The following PRSS23 variants were observed in gnomAD, a reference collection of about 807,000 sequenced individuals.
The protein encoded by PRSS23 is serine protease 23.
A neutral mutation model predicts 34.7 loss-of-function variants in PRSS23; 25 were observed. The ratio of observed to expected loss-of-function variants is 0.72; its 90% CI spans 0.53 to 1.01. The LOEUF is 1.01. PRSS23 is among the 50% of genes least tolerant of loss of function. The pLI is 0.00. For missense variants in PRSS23, 445 were observed against 475.6 expected (o/e 0.94, Z 0.60); for synonymous variants, 176 against 186.6 (o/e 0.94, Z 0.46).
intron 2 of PRSS23, among the ~76,000 whole-genome samples, chr11:86,835,730 G>C (rs1948399946): frequency 6.6e-6 from 1 of 152,168 alleles, no homozygotes; most frequent in South Asian, 2.1e-4. Flanking sequence ...GATAATTTTA[G>C]CCCTAAGTAC....
At chr11:86,806,283 G>C (rs1948100436) in intron 1 of PRSS23, among the ~76,000 whole-genome samples, 1 of 152,128 alleles carries the variant, frequency 6.6e-6, no homozygotes, top group Non-Finnish European at 1.5e-5. Context: ...ACAGACTCTT[G>C]TTTCCCTTCC....
rs976405593 is a variant in PRSS23, at chr11:86,807,492, G to T, written c.-13-139G>T. Reference sequence around the variant, plus strand: ...GTTGAAAGTGAGACCGTTATCTAAGGATTCCTCTCCACACCCTGATTCCTG... The same window carrying T: ...GTTGAAAGTGAGACCGTTATCTAAGTATTCCTCTCCACACCCTGATTCCTG... On this transcript the variant is annotated intron_variant, in intron 1 of 1. Coordinates refer to ENST00000280258, the MANE Select transcript of PRSS23 (RefSeq NM_007173.6). The T allele has an allele frequency of 4.8e-6, 4 of 832,132 alleles. No individual in the cohort carries two copies. The African/African-American group carries it at 6.8e-5, about 14-fold the overall frequency. 51.5% of individuals were successfully genotyped at this position (832,132 alleles called of 1,614,324 possible).
At chr11:86,934,312 T>G (rs1949146186) in intron 2 of PRSS23, 1 of 152,238 alleles carries the variant, frequency 6.6e-6, no homozygotes, top group Admixed American at 6.5e-5. Context: ...AGTTGGCTCC[T>G]GGGATCATCT....
intron 2 of PRSS23, among the ~76,000 whole-genome samples, chr11:86,897,799 C>T (rs1188723484): frequency 6.6e-6 from 1 of 152,196 alleles, no homozygotes; most frequent in Non-Finnish European, 1.5e-5. Context: ...TCATCATCTT[C>T]AAAGAAGAAA....
chr11:86,811,251 A>C (rs1948175654), downstream of PRSS23: 1 of 166,534 alleles, frequency 6.0e-6, no homozygotes, highest in Non-Finnish European at 1.5e-5. Context: ...TTTCTCATAT[A>C]ATGCCTATAA....
chr11:86,829,972 T>C (rs1350866721), intron 2 of PRSS23, among the ~76,000 whole-genome samples: 1 of 152,216 alleles, frequency 6.6e-6, no homozygotes, highest in Non-Finnish European at 1.5e-5. Flanking sequence ...AGTCTGCCCG[T>C]CCTCAGATCT....
chr11:86,805,034 C>T (rs1948083083), intron 1 of PRSS23, among the ~76,000 whole-genome samples: 1 of 152,102 alleles, frequency 6.6e-6, no homozygotes, highest in African/African-American at 2.4e-5. Flanking sequence ...CTTGGCTTAC[C>T]ATGTGCTCAA....
chr11:86,931,414 A>T (rs576727345), intron 2 of PRSS23, among the ~76,000 whole-genome samples: 5 of 152,222 alleles, frequency 3.3e-5, no homozygotes, highest in Non-Finnish European at 5.9e-5. Context: ...TCAGCAATAC[A>T]ATGGAAGGAA....
intron 2 of PRSS23, chr11:86,950,150 A>G (rs80075834): frequency 1.3e-5 from 2 of 152,776 alleles, no homozygotes; most frequent in African/African-American, 4.8e-5. Flanking sequence ...GTGTGAATGC[A>G]AAGTTGCCAA....
chr11:86,814,179 A>C (rs1295151403), downstream of PRSS23, among the ~76,000 whole-genome samples: 1 of 152,226 alleles, frequency 6.6e-6, no homozygotes, highest in East Asian at 1.9e-4. Context: ...TGTCAAATGA[A>C]CTATAGGATC....
intron 2 of PRSS23, among the ~76,000 whole-genome samples, chr11:86,893,572 TAA>T (rs1565379224): frequency 6.6e-6 from 1 of 152,096 alleles, no homozygotes; most frequent in Admixed American, 6.6e-5. Flanking sequence ...CTCATGGAAA[TAA>T]TTAAGGTAGG....
intron 2 of PRSS23, among the ~76,000 whole-genome samples, chr11:86,925,329 TG>T (rs1949074277): frequency 2.1e-5 from 3 of 144,962 alleles, no homozygotes; most frequent in Non-Finnish European, 4.6e-5. Flanking sequence ...TGTGTGTGTG[TG>T]TCGTTTACAT....
At chr11:86,881,255 CTTTT>C (rs60383309) in intron 2 of PRSS23, among the ~76,000 whole-genome samples, 13 of 138,060 alleles carry the variant, frequency 9.4e-5, no homozygotes, top group Middle Eastern at 3.7e-3. Flanking sequence ...TTGTTGAGTG[CTTTT>C]TTTTTTTTTT....
intron 2 of PRSS23, chr11:86,836,948 A>G (rs1339293469): frequency 6.6e-6 from 1 of 152,368 alleles, no homozygotes; most frequent in Non-Finnish European, 1.5e-5. Flanking sequence ...AGAGCAATCC[A>G]CACTCAGCAA....
intron 2 of PRSS23, among the ~76,000 whole-genome samples, chr11:86,926,025 T>C (rs1304494352): frequency 2.0e-5 from 3 of 152,204 alleles, no homozygotes; most frequent in African/African-American, 7.2e-5. Flanking sequence ...TAAATATATA[T>C]TGAGTCTACC....
chr11:86,939,426 A>ATATATATT lies in PRSS23; in HGVS notation c.207-11789_207-11788insATATATTT. Among the ~76,000 whole-genome samples, 137 of 93,934 alleles carry ATATATATT rather than the reference A, an allele frequency of 1.5e-3. 2 individuals carry two copies. The highest frequency in any genetic ancestry group is 2.6e-3 in the Non-Finnish European group (113 of 43,052). The allele number at this position is 93,934 out of a possible 152,430, so 61.6% of individuals were successfully genotyped here. ...AAAATATATATATATATATATATAT[A>ATATATATT]TTTTTTAACATGAGTAAAAATTGCA... On this transcript the variant is annotated intron_variant, in intron 2 of 2. Transcript: ENST00000533902.
intron 1 of PRSS23, among the ~76,000 whole-genome samples, chr11:86,801,151 A>G (rs1948032871): frequency 6.6e-6 from 1 of 152,224 alleles, no homozygotes; most frequent in Non-Finnish European, 1.5e-5. Flanking sequence ...AAGTGCAGCA[A>G]ATACAGGCTG....
At chr11:86,793,965 G>A (rs991075011) in intron 1 of PRSS23, among the ~76,000 whole-genome samples, 15 of 151,952 alleles carry the variant, frequency 9.9e-5, no homozygotes, top group East Asian at 1.9e-4. Context: ...ATCTAGCACC[G>A]AAGGGTTTGG....
At chr11:86,819,558 C>T (rs78921710) in intron 1 of PRSS23, among the ~76,000 whole-genome samples, 2,042 of 152,180 alleles carry the variant, frequency 0.013, 54 homozygotes, top group African/African-American at 0.046. Flanking sequence ...CATAAGGCTT[C>T]TTAAGAGATA....
Sources: gnomAD v4.1 joint callset for allele counts (sites outside exome capture counted in the v4.1 genomes callset) on GRCh38, gnomAD v4.1.1 for gene constraint, MANE v1.5 for transcripts, NCBI Gene and HGNC (gene_info 2026-07-23, HGNC 2026-07-21) for gene names.